CATSPERB: variants seen among roughly 807,000 people sequenced by gnomAD.
The protein encoded by CATSPERB is cation channel sperm-associated auxiliary subunit beta.
CATSPERB carries 93 observed loss-of-function variants against 128.3 expected under a neutral mutation model. The observed-to-expected ratio is 0.72, with a 90% CI of 0.61 to 0.86. The LOEUF (loss-of-function observed/expected upper bound fraction) is 0.86. Among genes scored for constraint, CATSPERB ranks in the 40% least tolerant of loss-of-function variants. The pLI, the probability that CATSPERB is intolerant of heterozygous loss-of-function variation, is 0.00. For missense variants in CATSPERB, 1,153 were observed against 1,329.5 expected (o/e 0.87, Z 2.06); for synonymous variants, 381 against 448.8 (o/e 0.85, Z 1.91).
chr14:91,591,451 C>T (rs573835823), intron 23 of CATSPERB, among the ~76,000 whole-genome samples: 26 of 151,824 alleles, frequency 1.7e-4, no homozygotes, highest in Admixed American at 3.3e-4. Context: ...CATATTACAC[C>T]GTCTTTCATT....
At chr14:91,644,270 T>G (rs1341447607) in intron 15 of CATSPERB, among the ~76,000 whole-genome samples, 2 of 121,214 alleles carry the variant, frequency 1.6e-5, no homozygotes. Context: ...TAGCTGGTGA[T>G]TTTGCTCATT....
rs77707306 is a variant in CATSPERB, at chr14:91,697,566, G to A, written c.617-4087C>T. Among the ~76,000 whole-genome samples, 299 of 152,278 alleles carry A rather than the reference G, an allele frequency of 2.0e-3. 3 individuals carry two copies. In the East Asian group the frequency reaches 0.031, roughly 16 times the overall value. ...AGTTAACTTTTGTATATGGAGAAAGGCAAGGATCCAGTTTCATTTTTCTTT... is the reference window on the plus strand; with the variant it reads ...AGTTAACTTTTGTATATGGAGAAAGACAAGGATCCAGTTTCATTTTTCTTT... On this transcript the variant is annotated intron_variant, in intron 7 of 26. Coordinates refer to ENST00000256343, the MANE Select transcript of CATSPERB (RefSeq NM_024764.4).
chr14:91,690,321 C>T lies in CATSPERB; in HGVS notation c.864+1202G>A, dbSNP rs538990448. Among the ~76,000 whole-genome samples the T allele has an allele frequency of 3.9e-5, 6 of 152,164 alleles. No individual in the cohort carries two copies. The South Asian group carries it at 1.2e-3, about 32-fold the overall frequency. On this transcript the variant is annotated intron_variant, in intron 10 of 26. Coordinates refer to ENST00000256343, the MANE Select transcript of CATSPERB (RefSeq NM_024764.4). ...ACTTATTTTTTATACCAATTCCATT[C>T]TTTGAACACATATTTACTAAGTGCA...
Position 91,580,757 on chromosome 14 carries a change from A to C in CATSPERB, c.*132T>G. ...AAAAGGAAATGGTGAATATATTGAC[A>C]AGTAGCAATTTGAATTATAATGACA... On this transcript the variant is annotated 3_prime_UTR_variant, in exon 27 of 27. Coordinates refer to ENST00000256343, the MANE Select transcript of CATSPERB (RefSeq NM_024764.4). 1.5e-6 allele frequency: 1 copy of C among 681,906 alleles called. No homozygotes were observed. The highest frequency in any genetic ancestry group is 2.5e-6 in the Non-Finnish European group (1 of 406,270). 42.2% of individuals were successfully genotyped at this position (681,906 alleles called of 1,614,324 possible).
At chr14:91,648,912 C>A (rs1894654382) in intron 15 of CATSPERB, among the ~76,000 whole-genome samples, 1 of 152,018 alleles carries the variant, frequency 6.6e-6, no homozygotes, top group Admixed American at 6.6e-5. Context: ...CAAGGCCGCT[C>A]ACCCAGACCA....
At chr14:91,674,351 A>AAAT (rs990216471) in intron 11 of CATSPERB, 129 bp from the exon 12 acceptor site, 4 of 587,382 alleles carry the variant, frequency 6.8e-6, no homozygotes, top group South Asian at 6.6e-5. Context: ...TGGTAAATGA[A>AAAT]AATAATAATA....
chr14:91,659,960 C>T lies in CATSPERB; in HGVS notation c.1309G>A (p.Gly437Ser), dbSNP rs147058492. 369 of 1,584,002 alleles carry T rather than the reference C, an allele frequency of 2.3e-4. 1 individual carries two copies. The highest frequency in any genetic ancestry group is 4.2e-4 in the Admixed American group (22 of 52,240). ...GNQIWLSVDG[G>S]NTFQLIANFH... The stretch of plus-strand genomic sequence containing the variant: ...TTAGCTATTAATTGAAAGGTGTTGC[C>T]GCCATCAACTGAAAGCCATATCTAA... Residue 437 changes from glycine to serine, a missense_variant, in exon 15 of 27, where the codon GGC becomes AGC. Coordinates refer to ENST00000256343, the MANE Select transcript of CATSPERB (RefSeq NM_024764.4).
At chr14:91,590,413 C>T (rs1291258603) in intron 23 of CATSPERB, among the ~76,000 whole-genome samples, 1 of 151,996 alleles carries the variant, frequency 6.6e-6, no homozygotes, top group African/African-American at 2.4e-5. Context: ...CACCTATAGT[C>T]CCAGCTACTT....
chr14:91,657,834 A>G lies in CATSPERB; in HGVS notation c.1432+2003T>C, dbSNP rs187749352. Among the ~76,000 whole-genome samples the G allele has an allele frequency of 2.6e-5, 4 of 152,286 alleles. No homozygotes were observed. The East Asian group carries it at 7.7e-4, about 29-fold the overall frequency. ...TACAATGAGATTATCATCTCATCCCAGTTAAAATAGCTTTTATCGAAAAGA... is the reference window on the plus strand; with the variant it reads ...TACAATGAGATTATCATCTCATCCCGGTTAAAATAGCTTTTATCGAAAAGA... On this transcript the variant is annotated intron_variant, in intron 15 of 26. Coordinates refer to ENST00000256343, the MANE Select transcript of CATSPERB (RefSeq NM_024764.4).
chr14:91,680,697 C>CA (rs1451477993), intron 11 of CATSPERB, among the ~76,000 whole-genome samples: 1 of 151,930 alleles, frequency 6.6e-6, no homozygotes, highest in Non-Finnish European at 1.5e-5. Context: ...ACCACCCCAG[C>CA]ATTAGTATGG....
intron 20 of CATSPERB, among the ~76,000 whole-genome samples, chr14:91,615,540 T>A (rs1281594784): frequency 1.3e-5 from 2 of 152,234 alleles, no homozygotes; most frequent in Non-Finnish European, 2.9e-5. Context: ...ACCGAGGATG[T>A]GTGGTATTTA....
chr14:91,612,284 A>G lies in CATSPERB; in HGVS notation c.2401-1607T>C, dbSNP rs562559720. Reference sequence around the variant, plus strand: ...AATGTACAATACTCTATTATTAACTATATTCACCATGCTGTGCAAATAACT... The same window carrying G: ...AATGTACAATACTCTATTATTAACTGTATTCACCATGCTGTGCAAATAACT... On this transcript the variant is annotated intron_variant, in intron 20 of 26. Coordinates refer to ENST00000256343, the MANE Select transcript of CATSPERB (RefSeq NM_024764.4). Among the ~76,000 whole-genome samples, 112 of 152,162 alleles carry G rather than the reference A, an allele frequency of 7.4e-4. 1 individual carries two copies. Among genetic ancestry groups the G allele is most frequent in the African/African-American group, 2.6e-3 (108 of 41,504 alleles).
chr14:91,660,320 T>G (rs958646054), intron 14 of CATSPERB, among the ~76,000 whole-genome samples: 2 of 152,224 alleles, frequency 1.3e-5, no homozygotes, highest in Admixed American at 6.5e-5. Context: ...AATGGAGTGC[T>G]GGGTGCATTT....
intron 15 of CATSPERB, among the ~76,000 whole-genome samples, chr14:91,654,511 G>T (rs934631739): frequency 6.6e-6 from 1 of 152,164 alleles, no homozygotes; most frequent in African/African-American, 2.4e-5. Context: ...CATGGAGAGA[G>T]ACTGCTCTGC....
chr14:91,646,991 G>T (rs1174137618), intron 15 of CATSPERB, among the ~76,000 whole-genome samples: 1 of 152,202 alleles, frequency 6.6e-6, no homozygotes, highest in Non-Finnish European at 1.5e-5. Flanking sequence ...GGCTGAGGCG[G>T]GCAGATCACC....
At chr14:91,600,678 C>T (rs1893594647) in intron 22 of CATSPERB, among the ~76,000 whole-genome samples, 1 of 152,142 alleles carries the variant, frequency 6.6e-6, no homozygotes, top group Non-Finnish European at 1.5e-5. Context: ...GATTTTAAGC[C>T]AGAAAAATGA....
intron 5 of CATSPERB, among the ~76,000 whole-genome samples, chr14:91,716,063 A>C (rs992397275): frequency 2.0e-5 from 3 of 152,210 alleles, no homozygotes; most frequent in Non-Finnish European, 4.4e-5. Flanking sequence ...TAAAATAAAA[A>C]GCTGATAAAT....
rs183309103 is a variant in CATSPERB, at chr14:91,627,994, T to C, written c.1743-2987A>G. On this transcript the variant is annotated intron_variant, in intron 17 of 26. Transcript: ENST00000256343. ...ATCTGTCTCTAAAAAGAAAAAAATA[T>C]ATATTTATATAGTCTAGAGTTATCT... Among the ~76,000 whole-genome samples, 22 of 152,048 alleles carry C rather than the reference T, an allele frequency of 1.4e-4. No individual in the cohort carries two copies. The East Asian group carries it at 4.1e-3, about 28-fold the overall frequency.
rs191048298 is a variant in CATSPERB at position 91,658,002 on chromosome 14, C to T, written c.1432+1835G>A. ...GTTCCTCAGAAAACTAACAATAGAGCTACCATATGATCCAGCAATCCCACT... is the reference window on the plus strand; with the variant it reads ...GTTCCTCAGAAAACTAACAATAGAGTTACCATATGATCCAGCAATCCCACT... On this transcript the variant is annotated intron_variant, in intron 15 of 26. Transcript: ENST00000256343. 2.1e-3 allele frequency among the ~76,000 whole-genome samples: 316 copies of T among 152,144 alleles called. 3 individuals carry two copies. The highest frequency in any genetic ancestry group is 6.9e-3 in the African/African-American group (286 of 41,514).
Sources: gnomAD v4.1 joint callset for allele counts (sites outside exome capture counted in the v4.1 genomes callset) on GRCh38, gnomAD v4.1.1 for gene constraint, MANE v1.5 for transcripts, NCBI Gene and HGNC (gene_info 2026-07-23, HGNC 2026-07-21) for gene names.